Variants in CSMD1 observed in about 807,000 individuals in gnomAD.
The protein encoded by CSMD1 is CUB and sushi domain-containing protein 1.
Under a neutral mutation model 417.5 loss-of-function variants are expected in CSMD1, and 213 were observed. The observed-to-expected ratio is 0.51, with a 90% CI of 0.46 to 0.57. The LOEUF is 0.57. Among genes scored for constraint, CSMD1 ranks in the 20% least tolerant of loss-of-function variants. The pLI is 0.00. For synonymous variants in CSMD1, 2,862 were observed against 1,736.8 expected (o/e 1.65, Z -16.11); for missense variants, 6,923 against 4,529.7 (o/e 1.53, Z -15.17).
At chr8:4,557,803 A>G (rs974151259) in intron 2 of CSMD1, among the ~76,000 whole-genome samples, 24 of 152,148 alleles carry the variant, frequency 1.6e-4, no homozygotes, top group African/African-American at 5.8e-4. Flanking sequence ...TTCAGGTTAG[A>G]TTTCTTTTCA....
At chr8:3,896,377 C>A (rs994835260) in intron 5 of CSMD1, among the ~76,000 whole-genome samples, 1 of 152,250 alleles carries the variant, frequency 6.6e-6, no homozygotes, top group East Asian at 1.9e-4. Flanking sequence ...ATAGTCCAAA[C>A]AGATGTTAAC....
In CSMD1 at chr8:3,199,985, T is replaced by C. The variant is rs183863969; in HGVS notation, c.5099-176A>G. On this transcript the variant is annotated intron_variant, in intron 32 of 69. Coordinates refer to ENST00000635120, the MANE Select transcript of CSMD1 (RefSeq NM_033225.6). ...GTTTTTATAAAGATTAAAAACTCTG[T>C]CCTAGGCAAGAATAGGCAGTGCATT... Among the ~76,000 whole-genome samples the C allele has an allele frequency of 4.2e-3, 637 of 152,312 alleles. 2 individuals carry two copies. Among genetic ancestry groups the C allele is most frequent in the Non-Finnish European group, 5.2e-3 (351 of 68,032 alleles).
intron 3 of CSMD1, among the ~76,000 whole-genome samples, chr8:4,255,893 C>T (rs748130609): frequency 2.0e-5 from 3 of 152,168 alleles, no homozygotes; most frequent in Admixed American, 6.5e-5. Flanking sequence ...AATGGTAAAC[C>T]CATGAGGGCA....
In CSMD1 at chr8:3,001,516, C is replaced by A. The variant is rs190094358; in HGVS notation, c.8030-1385G>T. On this transcript the variant is annotated intron_variant, in intron 52 of 69. Transcript: ENST00000635120. ...GTCACAAGAAGAGGAAAAACATTCA[C>A]CATGAGTTCCTAAATAATCATCTTT... Among the ~76,000 whole-genome samples, 196 of 152,284 alleles carry A rather than the reference C, an allele frequency of 1.3e-3. 2 individuals carry two copies. The highest frequency in any genetic ancestry group is 4.6e-3 in the African/African-American group (191 of 41,552).
At chr8:4,842,400 T>G (rs1338699772) in intron 1 of CSMD1, among the ~76,000 whole-genome samples, 2 of 152,216 alleles carry the variant, frequency 1.3e-5, no homozygotes, top group Non-Finnish European at 2.9e-5. Context: ...TTTGCAATCT[T>G]TAAAACTTCA....
intron 1 of CSMD1, among the ~76,000 whole-genome samples, chr8:4,876,853 C>T (rs1803073367): frequency 6.6e-6 from 1 of 151,964 alleles, no homozygotes; most frequent in South Asian, 2.1e-4. Flanking sequence ...AGAAGATTTT[C>T]ACAACATTGT....
chr8:4,816,902 G>A (rs560536600), intron 1 of CSMD1, among the ~76,000 whole-genome samples: 2 of 152,080 alleles, frequency 1.3e-5, no homozygotes, highest in African/African-American at 4.8e-5. Flanking sequence ...CTGAGGTTTG[G>A]AGCATAACAA....
At chr8:4,316,660 G>C (rs1479134185) in intron 3 of CSMD1, among the ~76,000 whole-genome samples, 1 of 152,046 alleles carries the variant, frequency 6.6e-6, no homozygotes, top group Non-Finnish European at 1.5e-5. Flanking sequence ...GTGTCAAGAT[G>C]AAGGACTCAA....
chr8:3,852,974 G>A (rs889376441), intron 5 of CSMD1, among the ~76,000 whole-genome samples: 5 of 152,036 alleles, frequency 3.3e-5, no homozygotes, highest in African/African-American at 1.2e-4. Flanking sequence ...TTATGGCAAG[G>A]CTCCCCAAGA....
intron 3 of CSMD1, among the ~76,000 whole-genome samples, chr8:4,252,851 T>C (rs571591333): frequency 3.9e-5 from 6 of 152,350 alleles, no homozygotes; most frequent in Admixed American, 3.3e-4. Flanking sequence ...GCAGCAGCCT[T>C]CTTGGGACCA....
intron 33 of CSMD1, among the ~76,000 whole-genome samples, chr8:3,198,552 T>C (rs1585630563): frequency 6.6e-6 from 1 of 152,214 alleles, no homozygotes; most frequent in South Asian, 2.1e-4. Context: ...ATTCATTCAA[T>C]GGCTACTTAC....
intron 5 of CSMD1, among the ~76,000 whole-genome samples, chr8:3,918,634 A>G (rs1329316293): frequency 6.6e-6 from 1 of 152,144 alleles, no homozygotes; most frequent in Non-Finnish European, 1.5e-5. Flanking sequence ...ATAAATTCCC[A>G]TCAAAAACGA....
At position 4,557,616 on chromosome 8, in the gene CSMD1, G is replaced by C. The variant is rs1798152559; in HGVS notation, c.302+79726C>G. On this transcript the variant is annotated intron_variant, in intron 2 of 69. Coordinates refer to ENST00000635120, the MANE Select transcript of CSMD1 (RefSeq NM_033225.6). ...TGTGTTTTGGGGAGGTGGGGGAAGG[G>C]GGACAGCAGTATCCCAGAACAGAAA... Among the ~76,000 whole-genome samples, 3 of 151,940 alleles carry C rather than the reference G, an allele frequency of 2.0e-5. No individual in the cohort carries two copies. In the South Asian group the frequency reaches 6.2e-4, roughly 32 times the overall value.
chr8:4,751,422 T>C (rs1051254381), intron 1 of CSMD1, among the ~76,000 whole-genome samples: 2 of 151,866 alleles, frequency 1.3e-5, no homozygotes, highest in Admixed American at 6.6e-5. Flanking sequence ...AAAGAGAGCA[T>C]CTCTATAAAA....
chr8:4,463,249 G>A (rs1456005077), intron 2 of CSMD1, among the ~76,000 whole-genome samples: 4 of 152,122 alleles, frequency 2.6e-5, no homozygotes, highest in Non-Finnish European at 5.9e-5. Flanking sequence ...ACCAGTTCAT[G>A]TCCACTAAAA....
intron 3 of CSMD1, among the ~76,000 whole-genome samples, chr8:4,311,476 AT>A (rs1236055088): frequency 6.6e-6 from 1 of 152,156 alleles, no homozygotes; most frequent in Admixed American, 6.5e-5. Context: ...TAATCCCAGC[AT>A]TTCAGAAGGC....
At chr8:3,570,142 G>A (rs1274933319) in intron 10 of CSMD1, among the ~76,000 whole-genome samples, 1 of 152,154 alleles carries the variant, frequency 6.6e-6, no homozygotes, top group East Asian at 1.9e-4. Flanking sequence ...TCCACTTTAA[G>A]AAATCAAAGA....
At chr8:4,584,366 G>C (rs148100279) in intron 2 of CSMD1, among the ~76,000 whole-genome samples, 146 of 152,160 alleles carry the variant, frequency 9.6e-4, no homozygotes, top group African/African-American at 3.5e-3. Flanking sequence ...AGTAGCATCA[G>C]ACCCCTTTCG....
chr8:4,530,749 T>C (rs917977557), intron 2 of CSMD1, among the ~76,000 whole-genome samples: 9 of 151,430 alleles, frequency 5.9e-5, no homozygotes, highest in African/African-American at 1.9e-4. Context: ...ATATCACTGA[T>C]GGGCATTTGG....
Sources: allele counts gnomAD v4.1 joint callset (sites outside exome capture counted in the v4.1 genomes callset), GRCh38; gene constraint gnomAD v4.1.1; transcripts MANE v1.5; gene names NCBI Gene and HGNC (gene_info 2026-07-23, HGNC 2026-07-21).